Variants in GEMIN5 observed in about 807,000 individuals in gnomAD.
GEMIN5 encodes gem nuclear organelle associated protein 5, also known as gem-associated protein 5.
A neutral mutation model predicts 176.9 loss-of-function variants in GEMIN5; 124 were observed. The ratio of observed to expected loss-of-function variants is 0.70; its 90% CI spans 0.61 to 0.81. GEMIN5 has a LOEUF of 0.81. GEMIN5 is among the 40% of genes least tolerant of loss of function. The pLI, the probability that GEMIN5 is intolerant of heterozygous loss-of-function variation, is 0.00. For missense variants in GEMIN5, 1,843 were observed against 1,814.6 expected (o/e 1.02, Z -0.28); for synonymous variants, 673 against 665.2 (o/e 1.01, Z -0.18).
At chr5:154,907,566 T>G (rs375273990) in intron 16 of GEMIN5, 25 bp downstream of exon 16, 1 of 1,544,564 alleles carries the variant, frequency 6.5e-7, no homozygotes, top group African/African-American at 1.4e-5. Flanking sequence ...GAAATCCTAG[T>G]GATACACAGG....
Position 154,887,420 on chromosome 5 carries a change from A to G in GEMIN5, c.*790T>C, listed in dbSNP as rs959519006. 1.1e-4 allele frequency: 16 copies of G among 152,242 alleles called. No individual in the cohort carries two copies. The highest frequency in any genetic ancestry group is 3.9e-4 in the African/African-American group (16 of 41,464). 9.4% of individuals were successfully genotyped at this position (152,242 alleles called of 1,614,324 possible). On this transcript the variant is annotated 3_prime_UTR_variant, in exon 28 of 28. Coordinates refer to ENST00000285873, the MANE Select transcript of GEMIN5 (RefSeq NM_015465.5). The stretch of plus-strand genomic sequence containing the variant: ...AAATTAGGAATATGCATTTTTCTCC[A>G]AAGAGTATCTTTGGCTTTAATCTGA...
chr5:154,892,264 C>T, intron 25 of GEMIN5, 123 bp downstream of exon 25: 1 of 790,760 alleles, frequency 1.3e-6, no homozygotes, highest in Admixed American at 2.9e-5. Context: ...AAACTTTCTA[C>T]TAAAATGACA....
chr5:154,932,524 T>C (rs1764190525), intron 3 of GEMIN5, among the ~76,000 whole-genome samples: 1 of 152,180 alleles, frequency 6.6e-6, no homozygotes, highest in African/African-American at 2.4e-5. Context: ...AAACTCACAG[T>C]GGACCATGAT....
At chr5:154,919,027 C>A (rs1017309708) in intron 11 of GEMIN5, among the ~76,000 whole-genome samples, 1 of 151,740 alleles carries the variant, frequency 6.6e-6, no homozygotes, top group African/African-American at 2.4e-5. Flanking sequence ...GGCGACAGAA[C>A]AAGGCTCTGT....
intron 24 of GEMIN5, among the ~76,000 whole-genome samples, chr5:154,895,205 T>G (rs2113457699): frequency 6.6e-6 from 1 of 151,346 alleles, no homozygotes; most frequent in African/African-American, 2.4e-5. Flanking sequence ...CATTTTGAAA[T>G]GAGGGAAAGA....
intron 22 of GEMIN5, 137 bp from the exon 23 acceptor site, chr5:154,898,787 T>C (rs1014226562): frequency 2.8e-6 from 2 of 723,918 alleles, no homozygotes; most frequent in Non-Finnish European, 4.7e-6. Context: ...CTGCCCCGGT[T>C]GTTCCTGTGA....
In GEMIN5 at chr5:154,932,085, T is replaced by C. The variant is rs767462654; in HGVS notation, c.661+14A>G. The C allele has an allele frequency of 1.9e-6, 3 of 1,601,266 alleles. No individual in the cohort carries two copies. The South Asian group carries it at 3.3e-5, about 18-fold the overall frequency. The stretch of plus-strand genomic sequence containing the variant: ...GTCTCAAGTGGACTTAACTTTCCCT[T>C]AAACCATCTCTACCTGAAGTTTCCT... On this transcript the variant is annotated intron_variant, in intron 4 of 27. Coordinates refer to ENST00000285873, the MANE Select transcript of GEMIN5 (RefSeq NM_015465.5).
intron 1 of GEMIN5, among the ~76,000 whole-genome samples, 175 bp downstream of exon 1, chr5:154,937,793 G>A (rs1296394910): frequency 2.0e-5 from 3 of 152,218 alleles, no homozygotes; most frequent in East Asian, 3.9e-4. Context: ...GCCACAGCAT[G>A]GTGTAGCTCA....
intron 18 of GEMIN5, 146 bp from the exon 19 acceptor site, chr5:154,903,321 A>C: frequency 3.3e-6 from 2 of 605,154 alleles, no homozygotes; most frequent in Non-Finnish European, 5.8e-6. Context: ...TGCAGTTACA[A>C]AGGGAGCAAA....
Position 154,896,254 on chromosome 5 carries a change from G to GT in GEMIN5, c.3434dup (p.Tyr1145Ter), listed in dbSNP as rs763302411. ...QLSEGKSSSS[Y>*]HTWNTGTEGP... Reference sequence around the variant, plus strand: ...CTTCGGTGCCCGTGTTCCAAGTGTGGTAAGAGGAGGAGCTTTTGCCCTCTG... The same window carrying GT: ...CTTCGGTGCCCGTGTTCCAAGTGTGGTTAAGAGGAGGAGCTTTTGCCCTCTG... Residue 1145 changes from tyrosine (Y) to a stop codon, truncating the protein, a stop_gained and frameshift_variant, in exon 24 of 28, where the codon TAC (tyrosine) becomes TAAC (stop). Transcript: ENST00000285873. LOFTEE classifies it high-confidence loss of function. 2 of 1,613,652 alleles carry GT rather than the reference G, an allele frequency of 1.2e-6. No homozygotes were observed. The highest frequency in any genetic ancestry group is 1.3e-5 in the African/African-American group (1 of 74,888).
chr5:154,908,569 G>C (rs1763623683), intron 15 of GEMIN5, among the ~76,000 whole-genome samples: 1 of 152,182 alleles, frequency 6.6e-6, no homozygotes, highest in African/African-American at 2.4e-5. Flanking sequence ...CTTCAGCCTG[G>C]AACAGTTAGT....
intron 24 of GEMIN5, among the ~76,000 whole-genome samples, chr5:154,895,599 T>C (rs1206807599): frequency 6.6e-6 from 1 of 152,172 alleles, no homozygotes; most frequent in East Asian, 1.9e-4. Context: ...CAAATCAAAA[T>C]ACAAAATGAA....
At chr5:154,931,689 C>G in intron 4 of GEMIN5, 112 bp from the exon 5 acceptor site, 1 of 825,446 alleles carries the variant, frequency 1.2e-6, no homozygotes, top group Non-Finnish European at 1.9e-6. Flanking sequence ...TAGGTCTGAA[C>G]TATAAAATTT....
intron 19 of GEMIN5, 147 bp downstream of exon 19, chr5:154,902,933 T>G (rs1353747594): frequency 1.5e-6 from 1 of 646,394 alleles, no homozygotes; most frequent in African/African-American, 1.8e-5. Flanking sequence ...TGTATCAATA[T>G]GTAAATCAGG....
intron 1 of GEMIN5, among the ~76,000 whole-genome samples, chr5:154,937,602 G>A (rs947524875): frequency 1.3e-5 from 2 of 152,222 alleles, no homozygotes; most frequent in Admixed American, 6.5e-5. Context: ...AATGCCACAC[G>A]TTGCAGGATC....
chr5:154,931,446 G>A lies in GEMIN5; in HGVS notation c.781+12C>T, dbSNP rs202177991. ...AACATAGGTTACATCACAAAAGAAA[G>A]ATCAATCTTACCTCGGCCTCTAGAA... On this transcript the variant is annotated intron_variant, in intron 5 of 27. Transcript: ENST00000285873. The A allele has an allele frequency of 1.2e-4, 193 of 1,597,526 alleles. No homozygotes were observed. The African/African-American group carries it at 2.3e-3, about 19-fold the overall frequency.
At position 154,909,154 on chromosome 5, in the gene GEMIN5, T is replaced by TTG. The variant is rs1175533326; in HGVS notation, c.2168-1337_2168-1336insCA. 2.7e-5 allele frequency among the ~76,000 whole-genome samples: 4 copies of TTG among 149,056 alleles called. No individual in the cohort carries two copies. The South Asian group carries it at 8.5e-4, about 32-fold the overall frequency. ...TTGTATTTTTTTTTTTTTTTTTTTT[T>TTG]GTAGAGATGGGGTTTTGTCATGTTG... On this transcript the variant is annotated intron_variant, in intron 15 of 27. Coordinates refer to ENST00000285873, the MANE Select transcript of GEMIN5 (RefSeq NM_015465.5).
chr5:154,901,986 G>C lies in GEMIN5; in HGVS notation c.2867-500C>G, dbSNP rs906542844. Among the ~76,000 whole-genome samples the C allele has an allele frequency of 2.6e-5, 4 of 152,088 alleles. No homozygotes were observed. The East Asian group carries it at 7.7e-4, about 29-fold the overall frequency. On this transcript the variant is annotated intron_variant, in intron 20 of 27. Transcript: ENST00000285873. ...CAGATAATTTTTTAATTTTTTTGTAGAGATGGGCTTTTGCCATGTTGCCTA... is the reference window on the plus strand; with the variant it reads ...CAGATAATTTTTTAATTTTTTTGTACAGATGGGCTTTTGCCATGTTGCCTA...
At chr5:154,920,297 A>G (rs952278426) in intron 10 of GEMIN5, among the ~76,000 whole-genome samples, 194 bp from the exon 11 acceptor site, 2 of 152,220 alleles carry the variant, frequency 1.3e-5, no homozygotes, top group Non-Finnish European at 2.9e-5. Flanking sequence ...TAAAAAAACT[A>G]TACTACTATA....
Sources: gnomAD v4.1 joint callset for allele counts (sites outside exome capture counted in the v4.1 genomes callset) on GRCh38, gnomAD v4.1.1 for gene constraint, MANE v1.5 for transcripts, NCBI Gene and HGNC (gene_info 2026-07-23, HGNC 2026-07-21) for gene names.